Variants in A3GALT2 observed in about 807,000 individuals in gnomAD.
A3GALT2 encodes alpha-1,3-galactosyltransferase 2.
A3GALT2 carries 14 observed loss-of-function variants against 16.6 expected under a neutral mutation model. That is an observed-to-expected ratio of 0.84 (90% CI 0.56 to 1.32). The LOEUF (loss-of-function observed/expected upper bound fraction) is 1.32. Among genes scored for constraint, A3GALT2 ranks in the 40% most tolerant of loss-of-function variants. A3GALT2 has a pLI of 0.00. For synonymous variants in A3GALT2, 253 were observed against 218.0 expected, an observed-to-expected ratio of 1.16 and a Z score of -1.42; for missense variants, 600 against 490.9, an observed-to-expected ratio of 1.22 and a Z score of -2.10.
chr1:33,319,586 C>T (rs1227826301), intron 1 of A3GALT2, among the ~76,000 whole-genome samples: 1 of 152,174 alleles, frequency 6.6e-6, no homozygotes, highest in Non-Finnish European at 1.5e-5. Context: ...GTGAAAAGAA[C>T]TGCCCAGAGT....
chr1:33,307,036 G>A lies in A3GALT2; in HGVS notation c.753C>T (p.Phe251=). ...AAAMAWGQGD[F]YNHAAVFGGS... ...CCCCGAACACCGCCGCGTGGTTATA[G>A]AAGTCGCCCTGGCCCCACGCCATCG... Residue 251 remains phenylalanine (F), a synonymous_variant, in exon 5 of 5, where the codon TTC becomes TTT. Coordinates refer to ENST00000442999, the MANE Select transcript of A3GALT2 (RefSeq NM_001080438.1). 6.7e-7 allele frequency: 1 copy of A among 1,495,770 alleles called. No individual in the cohort carries two copies. The highest frequency in any genetic ancestry group is 1.3e-5 in the South Asian group (1 of 79,332). 92.7% of individuals were successfully genotyped at this position (1,495,770 alleles called of 1,614,324 possible). A position where few individuals can be genotyped will look rare whatever the true frequency, so the allele number is the denominator to read the frequency against.
intron 1 of A3GALT2, among the ~76,000 whole-genome samples, chr1:33,317,906 T>A (rs1646268590): frequency 6.6e-6 from 1 of 152,348 alleles, no homozygotes; most frequent in East Asian, 1.9e-4. Flanking sequence ...TCAAAAAATT[T>A]CGGATTCTAG....
intron 4 of A3GALT2, among the ~76,000 whole-genome samples, chr1:33,308,494 C>T (rs535448277): frequency 2.6e-5 from 4 of 152,140 alleles, no homozygotes; most frequent in Non-Finnish European, 4.4e-5. Context: ...CAACCTCTGC[C>T]TCCCGGCTTC....
chr1:33,309,249 A>G (rs1646219991), intron 4 of A3GALT2, among the ~76,000 whole-genome samples: 1 of 152,182 alleles, frequency 6.6e-6, no homozygotes, highest in African/African-American at 2.4e-5. Context: ...AACCACCACC[A>G]TCATCATGGC....
rs1489403545 is a variant in A3GALT2, at chr1:33,307,287, G to T, written c.502C>A (p.Arg168Ser). The change falls in exon 5 of 5, where the codon CGC becomes AGC. Residue 168 changes from arginine to serine, a missense_variant. Physicochemically the swap from Arg to Ser is moderately radical, Grantham distance 110. Transcript: ENST00000442999. ...CGCGCCATCGACACGTCTTGCCAGC[G>T]CCGCTCGCGCGCCACGCGCTCCACG... Reference protein sequence around the residue: ...LPVERVARERRWQDVSMARMR... With the variant: ...LPVERVARERSWQDVSMARMR... The T allele has an allele frequency of 2.1e-6, 3 of 1,442,720 alleles. No individual in the cohort carries two copies. The highest frequency in any genetic ancestry group is 2.7e-6 in the Non-Finnish European group (3 of 1,106,610). 89.4% of individuals were successfully genotyped at this position (1,442,720 alleles called of 1,614,324 possible).
At chr1:33,311,638 C>T (rs1421633588) in intron 4 of A3GALT2, among the ~76,000 whole-genome samples, 1 of 152,216 alleles carries the variant, frequency 6.6e-6, no homozygotes, top group Non-Finnish European at 1.5e-5. Context: ...GTACCTGCAC[C>T]TGAGCTGCTG....
intron 1 of A3GALT2, 26 bp downstream of exon 1, chr1:33,321,050 C>T (rs367742705): frequency 1.1e-4 from 179 of 1,612,872 alleles, no homozygotes; most frequent in Non-Finnish European, 1.4e-4. Flanking sequence ...AGCTTTCTTC[C>T]TCTCCATACC....
At chr1:33,313,372 T>G (rs192888506) in intron 1 of A3GALT2, 115 of 151,414 alleles carry the variant, frequency 7.6e-4, no homozygotes, top group Admixed American at 1.1e-3. Context: ...GGGGTCTTGC[T>G]ATGTTGCCCA....
chr1:33,317,790 G>A (rs1646268067), intron 1 of A3GALT2, among the ~76,000 whole-genome samples: 1 of 152,210 alleles, frequency 6.6e-6, no homozygotes, highest in Non-Finnish European at 1.5e-5. Flanking sequence ...CTTTTTTGGA[G>A]TTTTGAATAT....
rs958084839 is a variant in A3GALT2 at position 33,311,911 on chromosome 1, G to C, written c.335+141C>G. ...GGTCCTGTGCTCATCTGGGGGTGTG[G>C]GGCAAGAAGTGTTGTCTTTGCTTCT... On this transcript the variant is annotated intron_variant, in intron 4 of 4. Coordinates refer to ENST00000442999, the MANE Select transcript of A3GALT2 (RefSeq NM_001080438.1). 6 of 1,246,310 alleles carry C rather than the reference G, an allele frequency of 4.8e-6. No homozygotes were observed. The African/African-American group carries it at 6.0e-5, about 12-fold the overall frequency. The allele number at this position is 1,246,310 out of a possible 1,614,324, so 77.2% of individuals were successfully genotyped here.
At chr1:33,311,099 A>G (rs962428399) in intron 4 of A3GALT2, among the ~76,000 whole-genome samples, 1 of 152,124 alleles carries the variant, frequency 6.6e-6, no homozygotes, top group Non-Finnish European at 1.5e-5. Flanking sequence ...CACCTTCCCA[A>G]AGCAACTAGT....
intron 1 of A3GALT2, among the ~76,000 whole-genome samples, chr1:33,319,950 C>T (rs984730993): frequency 1.3e-5 from 2 of 152,016 alleles, no homozygotes; most frequent in East Asian, 1.9e-4. Flanking sequence ...GGCATTTGCA[C>T]GGCGGGTAAT....
rs759907816 is a variant in A3GALT2 at position 33,320,551 on chromosome 1, C to T, written c.23+525G>A. The stretch of plus-strand genomic sequence containing the variant: ...GGTCTGTGGAGGCCCCTGATCAGTC[C>T]ACTCCTCCACATTTCTTGTTCAGGT... On this transcript the variant is annotated intron_variant, in intron 1 of 4. Transcript: ENST00000442999. This position sits in a 1 kb window ranked among gnomAD's most constrained non-coding sequence, Gnocchi z 4.3. 8.6e-5 allele frequency among the ~76,000 whole-genome samples: 13 copies of T among 151,968 alleles called. No individual in the cohort carries two copies. Among genetic ancestry groups the T allele is most frequent in the Non-Finnish European group, 1.5e-4 (10 of 68,016 alleles).
intron 4 of A3GALT2, among the ~76,000 whole-genome samples, chr1:33,311,050 A>G (rs1156344167): frequency 6.6e-6 from 1 of 152,144 alleles, no homozygotes; most frequent in East Asian, 1.9e-4. Flanking sequence ...TCTGGTAACA[A>G]AATTCCTTCC....
rs1375744482 is a variant in A3GALT2, at chr1:33,320,133, A to G, written c.23+943T>C. Among the ~76,000 whole-genome samples the G allele has an allele frequency of 6.6e-6, 1 of 151,674 alleles. No individual in the cohort carries two copies. Among genetic ancestry groups the G allele is most frequent in the Non-Finnish European group, 1.5e-5 (1 of 67,976 alleles). ...GGCTTCTTCCCTTCGCACTCTATTC[A>G]GCTCCTGTCTGAGCTCCTGGAGGGC... On this transcript the variant is annotated intron_variant, in intron 1 of 4. Coordinates refer to ENST00000442999, the MANE Select transcript of A3GALT2 (RefSeq NM_001080438.1). The surrounding 1 kb of genome is among the most constrained non-coding windows in gnomAD (Gnocchi z 4.3).
At chr1:33,316,865 G>A (rs1013413625) in intron 1 of A3GALT2, among the ~76,000 whole-genome samples, 2 of 152,132 alleles carry the variant, frequency 1.3e-5, no homozygotes, top group Non-Finnish European at 2.9e-5. Flanking sequence ...CAGGGCCCAG[G>A]CCTAGACCAG....
chr1:33,309,355 GC>G lies in A3GALT2; in HGVS notation c.336-1903del, dbSNP rs531937639. On this transcript the variant is annotated intron_variant, in intron 4 of 4. Coordinates refer to ENST00000442999, the MANE Select transcript of A3GALT2 (RefSeq NM_001080438.1). ...CCAGACGGGGTGGCTGGGCAGAGGC[GC>G]CCCCCCACCTCCCAGACGGGGGGCT... Among the ~76,000 whole-genome samples the G allele has an allele frequency of 7.4e-4, 110 of 148,166 alleles. 1 individual carries two copies. In the East Asian group the frequency reaches 0.019, roughly 25 times the overall value.
Position 33,312,877 on chromosome 1 carries a change from T to G in A3GALT2, c.37A>C (p.Ile13Leu). The G allele has an allele frequency of 6.2e-7, 1 of 1,606,004 alleles. No homozygotes were observed. Among genetic ancestry groups the G allele is most frequent in the Non-Finnish European group, 8.5e-7 (1 of 1,176,456 alleles). ...GTAAGTAGGATCTGCCGCCAGAAGA[T>G]TCTCTTCCAGGCCCTGGGGGCGGGA... ...LKEGLRAWKR[I>L]FWRQILLTLG... Residue 13 changes from isoleucine to leucine, a missense_variant, in exon 2 of 5, where the codon ATC (isoleucine) becomes CTC (leucine). By Grantham distance (5) the Ile-to-Leu change is conservative (BLOSUM62 2). Coordinates refer to ENST00000442999, the MANE Select transcript of A3GALT2 (RefSeq NM_001080438.1).
At position 33,307,159 on chromosome 1, in the gene A3GALT2, G is replaced by C; in HGVS notation, c.630C>G (p.Pro210=). The stretch of plus-strand genomic sequence containing the variant: ...GCGCCACCGACTCGGCCAGCGCCTC[G>C]GGCCCAAAAGTGCCGCTGAAGTGCT... The part of the protein sequence containing the change: ...VDQHFSGTFG[P]EALAESVAQL... The change falls in exon 5 of 5, where the codon CCC becomes CCG. Residue 210 remains proline, a synonymous_variant. Coordinates refer to ENST00000442999, the MANE Select transcript of A3GALT2 (RefSeq NM_001080438.1). 6.4e-7 allele frequency: 1 copy of C among 1,553,418 alleles called. No homozygotes were observed. Among genetic ancestry groups the C allele is most frequent in the Non-Finnish European group, 8.7e-7 (1 of 1,153,082 alleles).
Sources: gnomAD v4.1 joint callset for allele counts (sites outside exome capture counted in the v4.1 genomes callset) on GRCh38, gnomAD v4.1.1 for gene constraint, Gnocchi (gnomAD v3.1) non-coding constraint, MANE v1.5 for transcripts, NCBI Gene and HGNC (gene_info 2026-07-23, HGNC 2026-07-21) for gene names.